Variants in UBR3 observed in about 807,000 individuals in gnomAD.
UBR3 encodes ubiquitin protein ligase E3 component n-recognin 3.
Under a neutral mutation model 243.2 loss-of-function variants are expected in UBR3, and 85 were observed. The observed-to-expected ratio is 0.35, with a 90% CI of 0.29 to 0.42. The LOEUF (loss-of-function observed/expected upper bound fraction) is 0.42. Among genes scored for constraint, UBR3 ranks in the 10% least tolerant of loss-of-function variants. UBR3 has a pLI of 1.00. For synonymous variants in UBR3, 748 were observed against 799.8 expected, an observed-to-expected ratio of 0.94 and a Z score of 1.09; for missense variants, 1,686 against 2,300.8, an observed-to-expected ratio of 0.73 and a Z score of 5.47.
intron 26 of UBR3, 111 bp downstream of exon 26, chr2:169,994,567 T>C (rs2089413388): frequency 1.6e-6 from 2 of 1,288,428 alleles, no homozygotes; most frequent in African/African-American, 3.0e-5. Flanking sequence ...AATTTGAAAG[T>C]TTATTAGAAA....
Position 170,080,598 on chromosome 2 carries a change from G to A in UBR3, c.5463G>A (p.Ser1821=), listed in dbSNP as rs760765399. Residue 1821 remains serine (S), a synonymous_variant, in exon 38 of 39, where the codon TCG becomes TCA. Coordinates refer to ENST00000272793, the MANE Select transcript of UBR3 (RefSeq NM_172070.4). Reference sequence around the variant, plus strand: ...GTATTTTCCTTTTGATCAATGCATCGGTAATTATCATCATTCGAGGTCACC... The same window carrying A: ...GTATTTTCCTTTTGATCAATGCATCAGTAATTATCATCATTCGAGGTCACC... ...GTGIFLLINA[S]VIIIIRGHRF... 1.1e-5 allele frequency: 18 copies of A among 1,613,768 alleles called. No homozygotes were observed. In the East Asian group the frequency reaches 1.6e-4, roughly 14 times the overall value.
chr2:169,842,722 G>T (rs975037290), intron 1 of UBR3, among the ~76,000 whole-genome samples: 2 of 152,088 alleles, frequency 1.3e-5, no homozygotes, highest in Admixed American at 6.5e-5. Flanking sequence ...CCAGAAGGAA[G>T]AAACTCCGAA....
At chr2:169,899,504 A>T (rs543264387) in intron 8 of UBR3, among the ~76,000 whole-genome samples, 12 of 151,790 alleles carry the variant, frequency 7.9e-5, no homozygotes, top group Admixed American at 5.2e-4. Flanking sequence ...TGTTTTTTTT[A>T]AATTTTTTTA....
At chr2:170,003,550 G>C (rs1167282353) in intron 27 of UBR3, among the ~76,000 whole-genome samples, 2 of 152,072 alleles carry the variant, frequency 1.3e-5, no homozygotes, top group African/African-American at 4.8e-5. Flanking sequence ...ATAAGGCACA[G>C]TTCCTTCCCT....
chr2:170,045,401 G>A (rs1024569738), intron 32 of UBR3, among the ~76,000 whole-genome samples: 18 of 151,994 alleles, frequency 1.2e-4, no homozygotes, highest in Admixed American at 5.9e-4. Context: ...TATCAGGGAG[G>A]GTCAGTTACC....
chr2:169,932,419 GTACTTTTTTTGTTTAA>G (rs1377959037), intron 18 of UBR3, among the ~76,000 whole-genome samples: 1 of 151,954 alleles, frequency 6.6e-6, no homozygotes, highest in Non-Finnish European at 1.5e-5. Context: ...TTACTTTTAA[GTACTTTTTTTGTTTAA>G]TACTTTTTTT....
intron 23 of UBR3, among the ~76,000 whole-genome samples, chr2:169,955,793 CAAAA>C (rs56238118): frequency 0.27 from 20,969 of 78,740 alleles, 2,498 homozygotes; most frequent in Admixed American, 0.41. Flanking sequence ...GACTCCATCT[CAAAA>C]AAAAAAAAAA....
chr2:169,836,212 T>TA (rs1031065755), intron 1 of UBR3, among the ~76,000 whole-genome samples: 3 of 148,924 alleles, frequency 2.0e-5, no homozygotes, highest in Non-Finnish European at 3.0e-5. Flanking sequence ...GCCGCCTGAG[T>TA]AGCTGGGATT....
intron 19 of UBR3, among the ~76,000 whole-genome samples, chr2:169,939,319 C>G (rs147766120): frequency 0.18 from 26,755 of 150,412 alleles, 2,658 homozygotes; most frequent in East Asian, 0.37. Flanking sequence ...AGTGCAGTGG[C>G]AGGATCTCTG....
chr2:170,076,238 A>G (rs1380916612), intron 36 of UBR3, among the ~76,000 whole-genome samples: 1 of 152,214 alleles, frequency 6.6e-6, no homozygotes, highest in Non-Finnish European at 1.5e-5. Context: ...AAAAGAACTT[A>G]TAATGTTATT....
chr2:170,076,877 G>A (rs894397170), intron 36 of UBR3, among the ~76,000 whole-genome samples: 16 of 152,174 alleles, frequency 1.1e-4, no homozygotes, highest in Non-Finnish European at 1.9e-4. Context: ...GTGGTGGTAG[G>A]GGTTTTTAAG....
At chr2:169,906,242 T>C in intron 10 of UBR3, 78 bp downstream of exon 10, 4 of 1,421,466 alleles carry the variant, frequency 2.8e-6, no homozygotes, top group Non-Finnish European at 3.7e-6. Flanking sequence ...CATTTGTATA[T>C]AATGTGCAGT....
At chr2:170,053,268 C>G (rs1368945835) in intron 32 of UBR3, among the ~76,000 whole-genome samples, 1 of 152,176 alleles carries the variant, frequency 6.6e-6, no homozygotes, top group Non-Finnish European at 1.5e-5. Flanking sequence ...AATGTACCTG[C>G]TTTCCTCTTG....
intron 10 of UBR3, among the ~76,000 whole-genome samples, chr2:169,913,227 C>G (rs544694695): frequency 6.6e-6 from 1 of 152,202 alleles, no homozygotes; most frequent in South Asian, 2.1e-4. Flanking sequence ...ATTGGTATCT[C>G]ATTGTGGCTT....
Position 170,008,803 on chromosome 2 carries a change from G to A in UBR3, c.4231-1G>A. On this transcript the variant is annotated splice_acceptor_variant, in intron 28 of 38. Transcript: ENST00000272793. LOFTEE classifies it high-confidence loss of function. ...ATATGTATGTTTGCATTTTTTTATA[G>A]TCAGAAACAAATTTAAGTAAAGAAA... 7.8e-7 allele frequency: 1 copy of A among 1,275,234 alleles called. No individual in the cohort carries two copies. The highest frequency in any genetic ancestry group is 1.5e-5 in the South Asian group (1 of 67,868). 79.0% of individuals were successfully genotyped at this position (1,275,234 alleles called of 1,614,324 possible). A position where few individuals can be genotyped will look rare whatever the true frequency, so the allele number is the denominator to read the frequency against.
intron 1 of UBR3, among the ~76,000 whole-genome samples, chr2:169,841,898 C>G (rs2082305996): frequency 6.6e-6 from 1 of 152,262 alleles, no homozygotes. Context: ...CCGTCGACCA[C>G]CCAAGGGCTG....
chr2:169,947,295 G>A (rs561096342), intron 21 of UBR3: 3 of 274,140 alleles, frequency 1.1e-5, no homozygotes, highest in South Asian at 3.3e-4. Flanking sequence ...ATTTAAAAAT[G>A]TATTTTAAAT....
At chr2:169,946,241 T>G (rs762008869) in intron 20 of UBR3, 47 bp from the exon 21 acceptor site, 7 of 1,128,984 alleles carry the variant, frequency 6.2e-6, no homozygotes, top group Non-Finnish European at 2.5e-6. Flanking sequence ...ATGAAATACC[T>G]TTTGTGGAAA....
At chr2:169,899,571 C>G (rs2084731472) in intron 8 of UBR3, among the ~76,000 whole-genome samples, 1 of 151,908 alleles carries the variant, frequency 6.6e-6, no homozygotes, top group Admixed American at 6.6e-5. Flanking sequence ...AGGTTTGTTA[C>G]CTAGGTATAC....
Sources: gnomAD v4.1 joint callset for allele counts (sites outside exome capture counted in the v4.1 genomes callset) on GRCh38, gnomAD v4.1.1 for gene constraint, MANE v1.5 for transcripts, NCBI Gene and HGNC (gene_info 2026-07-23, HGNC 2026-07-21) for gene names.